ABCB1: variants seen among roughly 807,000 people sequenced by gnomAD.
ABCB1 encodes ATP binding cassette subfamily B member 1, also known as ATP-dependent translocase ABCB1.
A neutral mutation model predicts 142.0 loss-of-function variants in ABCB1; 69 were observed. The ratio of observed to expected loss-of-function variants is 0.49; its 90% confidence interval spans 0.40 to 0.59. The LOEUF is 0.59. Ranked by LOEUF, ABCB1 falls within the 20% of genes least tolerant of loss-of-function variation. ABCB1 has a pLI of 0.00. For missense variants in ABCB1, 1,326 were observed against 1,554.7 expected (o/e 0.85, Z 2.47); for synonymous variants, 532 against 539.2 (o/e 0.99, Z 0.18).
At chr7:87,573,247 T>C (rs1185168861) in intron 4 of ABCB1, among the ~76,000 whole-genome samples, 1 of 151,986 alleles carries the variant, frequency 6.6e-6, no homozygotes, top group African/African-American at 2.4e-5. Flanking sequence ...TGGACTGTCA[T>C]TGAAGGTTAT....
In ABCB1 at chr7:87,512,379, C is replaced by G. The variant is rs116162655; in HGVS notation, c.3282+2852G>C. On this transcript the variant is annotated intron_variant, in intron 25 of 27. Transcript: ENST00000622132. ...GAATGATGGTTGGCATCAGAATCAC[C>G]TCGGAATATTATAAAAATAAAAGGC... Among the ~76,000 whole-genome samples, 414 of 152,156 alleles carry G rather than the reference C, an allele frequency of 2.7e-3. 1 individual carries two copies. The highest frequency in any genetic ancestry group is 9.3e-3 in the African/African-American group (387 of 41,506).
At chr7:87,639,148 C>T (rs564477606) in intron 1 of ABCB1, among the ~76,000 whole-genome samples, 212 of 74,252 alleles carry the variant, frequency 2.9e-3, no homozygotes, top group Admixed American at 4.0e-3. Context: ...AGTGAGACTC[C>T]GTCTCAAAAA....
rs776702588 is a variant in ABCB1 at position 87,647,784 on chromosome 7, A to T, written c.-330-46706T>A. On this transcript the variant is annotated intron_variant, in intron 1 of 28. Transcript: ENST00000265724. Reference sequence around the variant, plus strand: ...CACATCATGATCAGACACCAATAATATCACTTCTTTCAAAGTCTGTCTAGG... The same window carrying T: ...CACATCATGATCAGACACCAATAATTTCACTTCTTTCAAAGTCTGTCTAGG... Among the ~76,000 whole-genome samples, 31 of 152,178 alleles carry T rather than the reference A, an allele frequency of 2.0e-4. 1 individual carries two copies. Among genetic ancestry groups the T allele is most frequent in the Non-Finnish European group, 3.8e-4 (26 of 68,034 alleles).
At chr7:87,664,154 A>G (rs894836624) in intron 1 of ABCB1, among the ~76,000 whole-genome samples, 2 of 152,014 alleles carry the variant, frequency 1.3e-5, no homozygotes, top group African/African-American at 2.4e-5. Context: ...TTTTAAAATA[A>G]TATTAAATTA....
At chr7:87,706,254 T>G (rs1032243562) in intron 1 of ABCB1, among the ~76,000 whole-genome samples, 4 of 152,172 alleles carry the variant, frequency 2.6e-5, no homozygotes, top group African/African-American at 9.7e-5. Flanking sequence ...AGTCAGATAT[T>G]ATTCTCAGTG....
At chr7:87,697,430 G>T (rs1828588291) in intron 1 of ABCB1, among the ~76,000 whole-genome samples, 1 of 152,142 alleles carries the variant, frequency 6.6e-6, no homozygotes, top group African/African-American at 2.4e-5. Flanking sequence ...AATGATCCCA[G>T]ATAATAGAAG....
chr7:87,536,675 C>T lies in ABCB1; in HGVS notation c.2398-134G>A, dbSNP rs111992902. On this transcript the variant is annotated intron_variant, in intron 19 of 27. Coordinates refer to ENST00000622132, the MANE Select transcript of ABCB1 (RefSeq NM_001348946.2). ...AGTACTCAGGATGTGACATTCAATA[C>T]ACAAGAAAGAAACTTAATATAAAAA... The T allele has an allele frequency of 1.1e-4, 86 of 753,326 alleles. No individual in the cohort carries two copies. The African/African-American group carries it at 1.2e-3, about 10-fold the overall frequency. The allele number at this position is 753,326 out of a possible 1,614,324, so 46.7% of individuals were successfully genotyped here. A position where few individuals can be genotyped will look rare whatever the true frequency, so the allele number is the denominator to read the frequency against.
At chr7:87,612,463 T>G (rs902274775) in intron 1 of ABCB1, among the ~76,000 whole-genome samples, 1 of 152,172 alleles carries the variant, frequency 6.6e-6, no homozygotes, top group Admixed American at 6.5e-5. Context: ...GGGATCCAGT[T>G]TCATTCTTGT....
rs28381807 is a variant in ABCB1 at position 87,598,625 on chromosome 7, T to TA, written c.68+1491dup. 4.0e-3 allele frequency among the ~76,000 whole-genome samples: 616 copies of TA among 152,362 alleles called. 4 individuals carry two copies. The highest frequency in any genetic ancestry group is 0.014 in the African/African-American group (586 of 41,580). ...CAAAATGATAGCTGGAATTTTTCTC[T>TA]AAAGATCATTGCTTTATTTTCTCTA... On this transcript the variant is annotated intron_variant, in intron 2 of 27. Transcript: ENST00000622132.
chr7:87,503,241 T>C lies in ABCB1; in HGVS notation c.*1002A>G, dbSNP rs1340732112. On this transcript the variant is annotated 3_prime_UTR_variant, in exon 28 of 28. Coordinates refer to ENST00000622132, the MANE Select transcript of ABCB1 (RefSeq NM_001348946.2). ...GCTTATTTAAGATAGCAATTGTTTA[T>C]AGTAAATATAGTTTATAATGTTAAT... is the stretch of plus-strand genomic sequence containing the variant. Among the ~76,000 whole-genome samples the C allele has an allele frequency of 1.3e-5, 2 of 152,078 alleles. No individual in the cohort carries two copies. The highest frequency in any genetic ancestry group is 2.9e-5 in the Non-Finnish European group (2 of 67,964).
chr7:87,672,963 A>C (rs1214706108), intron 1 of ABCB1, among the ~76,000 whole-genome samples: 1 of 152,154 alleles, frequency 6.6e-6, no homozygotes, highest in Non-Finnish European at 1.5e-5. Context: ...TATGAGAGCC[A>C]TGCACACTGG....
chr7:87,579,425 G>T (rs962077623), intron 4 of ABCB1, among the ~76,000 whole-genome samples: 2 of 152,096 alleles, frequency 1.3e-5, no homozygotes, highest in Non-Finnish European at 1.5e-5. Flanking sequence ...ATGAAGGGTG[G>T]TGAATTTTAT....
Position 87,550,489 on chromosome 7 carries a change from G to A in ABCB1, c.1203C>T (p.Tyr401=), listed in dbSNP as rs200176163. The change falls in exon 11 of 28, where the codon TAC becomes TAT. Residue 401 remains tyrosine (Y), a synonymous_variant. Transcript: ENST00000622132. ...NLEFRNVHFS[Y]PSRKEVKILK... Reference sequence around the variant, plus strand: ...GTACCTTAACTTCTTTTCGAGATGGGTAACTGAAGTGAACATTTCTGAATT... The same window carrying A: ...GTACCTTAACTTCTTTTCGAGATGGATAACTGAAGTGAACATTTCTGAATT... 2 of 1,613,138 alleles carry A rather than the reference G, an allele frequency of 1.2e-6. No homozygotes were observed. Among genetic ancestry groups the A allele is most frequent in the Non-Finnish European group, 1.7e-6 (2 of 1,179,924 alleles).
At chr7:87,668,661 T>G (rs944894779) in intron 1 of ABCB1, among the ~76,000 whole-genome samples, 1 of 152,158 alleles carries the variant, frequency 6.6e-6, no homozygotes, top group Admixed American at 6.6e-5. Context: ...GTCTCAGAGA[T>G]TCTGGTATGT....
At chr7:87,677,043 A>G (rs1330808262) in intron 1 of ABCB1, among the ~76,000 whole-genome samples, 1 of 152,178 alleles carries the variant, frequency 6.6e-6, no homozygotes, top group African/African-American at 2.4e-5. Context: ...GTAGATTAGG[A>G]CAGCCATTAT....
intron 1 of ABCB1, among the ~76,000 whole-genome samples, chr7:87,606,165 T>C (rs1347432882): frequency 1.3e-5 from 2 of 151,990 alleles, no homozygotes; most frequent in Non-Finnish European, 2.9e-5. Context: ...GAGCAAAAGA[T>C]GCAAATAGGC....
In ABCB1 at chr7:87,626,247, TGTCATATATATGTGTCATATATG is replaced by T. The variant is rs1326578780; in HGVS notation, c.-330-25192_-330-25170del. ...ATGTCATATATATGTGTCATATATA[TGTCATATATATGTGTCATATATG>T]TGTCATATATATGTGTCATATATGT... is the stretch of plus-strand genomic sequence containing the variant. On this transcript the variant is annotated intron_variant, in intron 1 of 28. Coordinates refer to the ABCB1 transcript ENST00000265724. Among the ~76,000 whole-genome samples the T allele has an allele frequency of 4.4e-3, 58 of 13,174 alleles. 9 individuals are homozygous for T. The highest frequency in any genetic ancestry group is 8.2e-3 in the Non-Finnish European group (36 of 4,400). 8.6% of individuals were successfully genotyped at this position (13,174 alleles called of 152,430 possible). A position where few individuals can be genotyped will look rare whatever the true frequency, so the allele number is the denominator to read the frequency against.
intron 23 of ABCB1, 111 bp from the exon 24 acceptor site, chr7:87,516,776 GC>G: frequency 8.6e-7 from 1 of 1,167,386 alleles, no homozygotes; most frequent in Non-Finnish European, 1.2e-6. Flanking sequence ...TTCCTGTGTT[GC>G]CCAGGCTGGA....
chr7:87,628,937 C>A (rs912507395), intron 1 of ABCB1: 1 of 1,310,050 alleles, frequency 7.6e-7, no homozygotes, highest in Non-Finnish European at 9.8e-7. Flanking sequence ...ACCTGATCAC[C>A]GTGTGCAGGT....
Sources: gnomAD v4.1 joint callset for allele counts (sites outside exome capture counted in the v4.1 genomes callset) on GRCh38, gnomAD v4.1.1 for gene constraint, MANE v1.5 for transcripts, NCBI Gene and HGNC (gene_info 2026-07-23, HGNC 2026-07-21) for gene names.